The following DPF3 variants were observed in gnomAD, a reference collection of about 807,000 sequenced individuals.
DPF3 encodes the protein double PHD fingers 3.
A neutral mutation model predicts 56.8 loss-of-function variants in DPF3; 18 were observed. That is an observed-to-expected ratio of 0.32 (90% CI 0.22 to 0.47). The LOEUF is 0.47. Ranked by LOEUF, DPF3 falls within the 20% of genes least tolerant of loss-of-function variation. DPF3 has a pLI of 1.00. For synonymous variants in DPF3, 188 were observed against 180.2 expected, an observed-to-expected ratio of 1.04 and a Z score of -0.35; for missense variants, 403 against 488.8, an observed-to-expected ratio of 0.82 and a Z score of 1.65.
At chr14:72,632,104 GC>G (rs1402990851) in intron 8 of DPF3, among the ~76,000 whole-genome samples, 3 of 152,196 alleles carry the variant, frequency 2.0e-5, no homozygotes, top group African/African-American at 7.2e-5. Context: ...AGGATTACAG[GC>G]ATTTGCAGCC....
rs1295006892 is a variant in DPF3, at chr14:72,886,357, G to A, written c.32+7700C>T. Among the ~76,000 whole-genome samples, 3 of 152,218 alleles carry A rather than the reference G, an allele frequency of 2.0e-5. No homozygotes were observed. In the East Asian group the frequency reaches 5.8e-4, roughly 29 times the overall value. ...ACTGCACTCCAGCCTGGGTGACAGAGCGAGACTCCATCTAAAAAAAGAAAG... is the reference window on the plus strand; with the variant it reads ...ACTGCACTCCAGCCTGGGTGACAGAACGAGACTCCATCTAAAAAAAGAAAG... On this transcript the variant is annotated intron_variant, in intron 1 of 10. Coordinates refer to ENST00000556509, the MANE Select transcript of DPF3 (RefSeq NM_001280542.3).
At chr14:72,661,897 C>T (rs1182398557) in intron 8 of DPF3, 8 of 964,832 alleles carry the variant, frequency 8.3e-6, no homozygotes, top group African/African-American at 2.0e-5. Flanking sequence ...TTAAACAAAG[C>T]TCTCTGTGTT....
chr14:72,766,291 G>A (rs1016093254), intron 2 of DPF3, among the ~76,000 whole-genome samples: 2 of 152,088 alleles, frequency 1.3e-5, no homozygotes, highest in African/African-American at 4.8e-5. Flanking sequence ...TAAATATCCT[G>A]GACATTATTC....
At chr14:72,849,435 T>C (rs1884884719) in intron 1 of DPF3, among the ~76,000 whole-genome samples, 1 of 152,166 alleles carries the variant, frequency 6.6e-6, no homozygotes, top group Non-Finnish European at 1.5e-5. Context: ...ACCTCTGCAC[T>C]CTTCTGCCCA....
At chr14:72,668,090 A>G (rs1178086964) in intron 8 of DPF3, among the ~76,000 whole-genome samples, 1 of 152,224 alleles carries the variant, frequency 6.6e-6, no homozygotes, top group African/African-American at 2.4e-5. Flanking sequence ...AATGCCTCAC[A>G]CAAAAATGTA....
rs905367520 is a variant in DPF3 at position 72,689,375 on chromosome 14, A to G, written c.742+3701T>C. On this transcript the variant is annotated intron_variant, in intron 7 of 10. Transcript: ENST00000556509. Reference sequence around the variant, plus strand: ...TTGGGTCACCCTGCAGCTCTGCTAAAGGGGGAAAAAGTCAGCATTTCCACT... The same window carrying G: ...TTGGGTCACCCTGCAGCTCTGCTAAGGGGGGAAAAAGTCAGCATTTCCACT... Among the ~76,000 whole-genome samples the G allele has an allele frequency of 2.6e-5, 4 of 152,096 alleles. 1 individual carries two copies. The highest frequency in any genetic ancestry group is 5.9e-5 in the Non-Finnish European group (4 of 67,996).
In DPF3 at chr14:72,609,728, C is replaced by T. The variant is rs1304446838; in HGVS notation, c.*9569G>A. Among the ~76,000 whole-genome samples, 1 of 152,112 alleles carries T rather than the reference C, an allele frequency of 6.6e-6. No homozygotes were observed. Among genetic ancestry groups the T allele is most frequent in the East Asian group, 1.9e-4 (1 of 5,186 alleles). On this transcript the variant is annotated 3_prime_UTR_variant, in exon 11 of 11. Transcript: ENST00000556509. ...CAGCTAACGGGGTGGGAGGTGGGAGCTTTTTGTTTGTCTGTTGCTGTCGTT... is the reference window on the plus strand; with the variant it reads ...CAGCTAACGGGGTGGGAGGTGGGAGTTTTTTGTTTGTCTGTTGCTGTCGTT...
At chr14:72,703,935 A>T (rs1888294121) in intron 6 of DPF3, among the ~76,000 whole-genome samples, 1 of 152,256 alleles carries the variant, frequency 6.6e-6, no homozygotes, top group South Asian at 2.1e-4. Flanking sequence ...TTCAGTATAA[A>T]GAAAATAAAC....
At chr14:72,772,662 A>G (rs1325213701) in intron 1 of DPF3, among the ~76,000 whole-genome samples, 1 of 152,206 alleles carries the variant, frequency 6.6e-6, no homozygotes, top group African/African-American at 2.4e-5. Flanking sequence ...ACTCTTTGGT[A>G]TTTTTGGACA....
chr14:72,848,177 A>G (rs1884835254), intron 1 of DPF3, among the ~76,000 whole-genome samples: 1 of 151,724 alleles, frequency 6.6e-6, no homozygotes. Flanking sequence ...TTTTTTTTGG[A>G]CACAGAGTCT....
chr14:72,800,377 A>ATGG (rs1892822772), intron 1 of DPF3, among the ~76,000 whole-genome samples: 7 of 18,050 alleles, frequency 3.9e-4, no homozygotes, highest in African/African-American at 3.7e-4. Context: ...TAAATAGATA[A>ATGG]ATGGATGGAT....
chr14:72,858,518 G>A (rs1885260112), intron 1 of DPF3, among the ~76,000 whole-genome samples: 1 of 152,286 alleles, frequency 6.6e-6, no homozygotes, highest in South Asian at 2.1e-4. Flanking sequence ...GATGATTGAT[G>A]TCTTAGGGAC....
rs1014221726 is a variant in DPF3, at chr14:72,751,016, C to A, written c.301+2248G>T. On this transcript the variant is annotated intron_variant, in intron 3 of 10. Coordinates refer to ENST00000556509, the MANE Select transcript of DPF3 (RefSeq NM_001280542.3). ...GACTAGCCTGGGTAGCATAGTGAGA[C>A]CCTGTCTCTACAGAAAAGACAAAAT... Among the ~76,000 whole-genome samples the A allele has an allele frequency of 2.4e-4, 37 of 152,074 alleles. 1 individual carries two copies. The highest frequency in any genetic ancestry group is 6.8e-3 in the Middle Eastern group (2 of 294).
intron 1 of DPF3, among the ~76,000 whole-genome samples, chr14:72,796,151 G>T (rs1892637947): frequency 6.6e-6 from 1 of 152,140 alleles, no homozygotes; most frequent in African/African-American, 2.4e-5. Flanking sequence ...AATTTGATCT[G>T]CTAATTAGCT....
chr14:72,752,108 C>A (rs1890602060), intron 3 of DPF3, among the ~76,000 whole-genome samples: 1 of 152,190 alleles, frequency 6.6e-6, no homozygotes, highest in Admixed American at 6.5e-5. Context: ...CCTAAGGGAC[C>A]AGTGTTGCAA....
At chr14:72,805,673 C>T (rs1359397493) in intron 1 of DPF3, among the ~76,000 whole-genome samples, 1 of 152,086 alleles carries the variant, frequency 6.6e-6, no homozygotes, top group African/African-American at 2.4e-5. Context: ...AGGTGAAATC[C>T]CGTCTCTACT....
intron 5 of DPF3, among the ~76,000 whole-genome samples, chr14:72,719,343 G>T (rs183394761): frequency 1.4e-3 from 207 of 151,982 alleles, no homozygotes; most frequent in African/African-American, 4.9e-3. Flanking sequence ...GATTACAGTT[G>T]TGAGCCACCG....
chr14:72,859,318 C>A (rs1263317600), intron 1 of DPF3, among the ~76,000 whole-genome samples: 1 of 151,998 alleles, frequency 6.6e-6, no homozygotes, highest in Admixed American at 6.6e-5. Flanking sequence ...AAAGGAACTC[C>A]TTTCAAGGCC....
intron 9 of DPF3, 126 bp from the exon 10 acceptor site, chr14:72,620,110 C>T: frequency 1.1e-6 from 1 of 936,904 alleles, no homozygotes. Context: ...CCAGGCCCCA[C>T]TTGGAGTCCT....
Sources: gnomAD v4.1 joint callset for allele counts (sites outside exome capture counted in the v4.1 genomes callset) on GRCh38, gnomAD v4.1.1 for gene constraint, MANE v1.5 for transcripts, NCBI Gene and HGNC (gene_info 2026-07-23, HGNC 2026-07-21) for gene names.